The following MBNL1 variants were observed in gnomAD, a reference collection of about 807,000 sequenced individuals.
The protein encoded by MBNL1 is muscleblind-like protein 1.
Under a neutral mutation model 42.2 loss-of-function variants are expected in MBNL1, and 8 were observed. The observed-to-expected ratio is 0.19, with a 90% CI of 0.11 to 0.34. The LOEUF (loss-of-function observed/expected upper bound fraction) is 0.34. MBNL1 is among the 10% of genes least tolerant of loss of function. MBNL1 has a pLI of 1.00. For missense variants in MBNL1, 309 were observed against 495.3 expected (o/e 0.62, Z 3.57); for synonymous variants, 169 against 173.9 (o/e 0.97, Z 0.22).
At chr3:152,369,855 T>C (rs575606653) in intron 2 of MBNL1, among the ~76,000 whole-genome samples, 5 of 152,258 alleles carry the variant, frequency 3.3e-5, no homozygotes, top group Non-Finnish European at 5.9e-5. Context: ...TCAGTGATGA[T>C]ATCCCCTTTA....
At chr3:152,412,252 T>C (rs971638024) in intron 2 of MBNL1, among the ~76,000 whole-genome samples, 2 of 151,852 alleles carry the variant, frequency 1.3e-5, no homozygotes, top group African/African-American at 4.8e-5. Flanking sequence ...GTATCTAATA[T>C]CATTTGCAGA....
intron 4 of MBNL1, 51 bp from the exon 5 acceptor site, chr3:152,445,231 G>GCTT: frequency 6.6e-7 from 1 of 1,518,348 alleles, no homozygotes; most frequent in Non-Finnish European, 9.0e-7. Context: ...TCTTCAGAAA[G>GCTT]CTTCTTCTTC....
intron 2 of MBNL1, among the ~76,000 whole-genome samples, chr3:152,346,423 C>T (rs1486324352): frequency 2.6e-5 from 4 of 152,004 alleles, no homozygotes; most frequent in South Asian, 2.1e-4. Context: ...TTTTTAAAAA[C>T]GCAGTTTTCC....
At chr3:152,456,626 A>G (rs1410131142) in intron 8 of MBNL1, among the ~76,000 whole-genome samples, 1 of 152,202 alleles carries the variant, frequency 6.6e-6, no homozygotes, top group East Asian at 1.9e-4. Flanking sequence ...TACTAAAATG[A>G]TATTTACACA....
At chr3:152,315,888 ACTCCTCTCTCTCT>A (rs1402302679) in intron 2 of MBNL1, among the ~76,000 whole-genome samples, 6 of 143,302 alleles carry the variant, frequency 4.2e-5, no homozygotes, top group Non-Finnish European at 7.6e-5. Flanking sequence ...TCTCTCTCTC[ACTCCTCTCTCTCT>A]CACACACATA....
intron 2 of MBNL1, among the ~76,000 whole-genome samples, chr3:152,262,303 T>C (rs2036430160): frequency 6.6e-6 from 1 of 152,194 alleles, no homozygotes; most frequent in South Asian, 2.1e-4. Context: ...ACTCCCACCA[T>C]TTATTAATGG....
chr3:152,410,860 G>A (rs1448733400), intron 2 of MBNL1, among the ~76,000 whole-genome samples: 1 of 152,256 alleles, frequency 6.6e-6, no homozygotes, highest in East Asian at 1.9e-4. Flanking sequence ...ATTGATGACT[G>A]ATATGCATTG....
chr3:152,294,980 A>G (rs995921164), intron 1 of MBNL1, among the ~76,000 whole-genome samples: 6 of 152,226 alleles, frequency 3.9e-5, no homozygotes, highest in Admixed American at 2.0e-4. Context: ...TCTATAGGAT[A>G]TAATTTGAGT....
At chr3:152,421,285 A>G (rs1158467715) in intron 3 of MBNL1, among the ~76,000 whole-genome samples, 1 of 152,124 alleles carries the variant, frequency 6.6e-6, no homozygotes, top group Non-Finnish European at 1.5e-5. Flanking sequence ...TTCGTACCCC[A>G]GTGGTGCCCA....
chr3:152,428,427 G>C (rs1302063753), intron 3 of MBNL1, among the ~76,000 whole-genome samples: 1 of 151,952 alleles, frequency 6.6e-6, no homozygotes, highest in African/African-American at 2.4e-5. Flanking sequence ...GGGAACAGAG[G>C]GTAAGAAAAA....
intron 2 of MBNL1, among the ~76,000 whole-genome samples, chr3:152,310,390 T>C (rs1335088270): frequency 6.6e-6 from 1 of 152,226 alleles, no homozygotes; most frequent in Non-Finnish European, 1.5e-5. Flanking sequence ...TGAACTGAGA[T>C]TCAGTGTAGA....
At chr3:152,413,585 C>T (rs1163290829) in intron 2 of MBNL1, among the ~76,000 whole-genome samples, 1 of 152,244 alleles carries the variant, frequency 6.6e-6, no homozygotes, top group Non-Finnish European at 1.5e-5. Flanking sequence ...AAACCTCATA[C>T]AAAAGGAGCC....
chr3:152,302,636 C>T (rs1417858333), intron 2 of MBNL1, among the ~76,000 whole-genome samples: 2 of 152,102 alleles, frequency 1.3e-5, no homozygotes, highest in African/African-American at 4.8e-5. Flanking sequence ...GTTAAAGTAA[C>T]TGTATGACTC....
At chr3:152,457,256 G>A (rs1050305469) in intron 8 of MBNL1, among the ~76,000 whole-genome samples, 4 of 152,108 alleles carry the variant, frequency 2.6e-5, no homozygotes, top group East Asian at 3.8e-4. Context: ...GTAGATTTGG[G>A]CTTCAATAGA....
chr3:152,456,185 C>A, intron 7 of MBNL1, 82 bp from the exon 8 acceptor site: 1 of 924,134 alleles, frequency 1.1e-6, no homozygotes, highest in Non-Finnish European at 1.8e-6. Context: ...ATACCATGCC[C>A]AATTATCTCT....
At chr3:152,274,384 A>C (rs2043672954) in intron 1 of MBNL1, among the ~76,000 whole-genome samples, 1 of 152,114 alleles carries the variant, frequency 6.6e-6, no homozygotes, top group Admixed American at 6.5e-5. Flanking sequence ...CGTTGTCCTC[A>C]AAAAAATAAG....
chr3:152,253,815 C>T (rs960790827), intron 2 of MBNL1, among the ~76,000 whole-genome samples: 4 of 152,058 alleles, frequency 2.6e-5, no homozygotes, highest in South Asian at 4.1e-4. Context: ...AGATGCTTCC[C>T]GTGGTCCACT....
intron 2 of MBNL1, among the ~76,000 whole-genome samples, chr3:152,261,907 C>T (rs934391774): frequency 3.9e-5 from 6 of 152,100 alleles, no homozygotes; most frequent in African/African-American, 9.7e-5. Flanking sequence ...CTTGGGAGTC[C>T]GTGAGGAGCA....
intron 2 of MBNL1, among the ~76,000 whole-genome samples, chr3:152,306,257 C>T (rs567297630): frequency 1.8e-4 from 27 of 152,186 alleles, no homozygotes; most frequent in Non-Finnish European, 3.1e-4. Context: ...ACAGAGACAC[C>T]TCCCCTACCC....
Sources: gnomAD v4.1 joint callset for allele counts (sites outside exome capture counted in the v4.1 genomes callset) on GRCh38, gnomAD v4.1.1 for gene constraint, MANE v1.5 for transcripts, NCBI Gene and HGNC (gene_info 2026-07-23, HGNC 2026-07-21) for gene names.